The following PDZD2 variants were observed in gnomAD, a reference collection of about 807,000 sequenced individuals.
PDZD2 encodes the protein PDZ domain containing 2, also known as PDZ domain-containing protein 2.
Under a neutral mutation model 220.7 loss-of-function variants are expected in PDZD2, and 90 were observed. That is an observed-to-expected ratio of 0.41 (90% CI 0.34 to 0.49). The LOEUF is 0.49. PDZD2 is among the 20% of genes least tolerant of loss of function. The pLI, the probability that PDZD2 is intolerant of heterozygous loss-of-function variation, is 0.28. For synonymous variants in PDZD2, 1,375 were observed against 1,450.5 expected, an observed-to-expected ratio of 0.95 and a Z score of 1.18; for missense variants, 3,174 against 3,608.5, an observed-to-expected ratio of 0.88 and a Z score of 3.08.
intron 2 of PDZD2, among the ~76,000 whole-genome samples, chr5:31,802,384 G>A (rs1377296718): frequency 1.3e-5 from 2 of 152,132 alleles, no homozygotes; most frequent in Non-Finnish European, 2.9e-5. Context: ...CGAGGCTCAG[G>A]CTCCGTCTCT....
At chr5:31,690,300 C>A (rs1747065459) in intron 1 of PDZD2, among the ~76,000 whole-genome samples, 1 of 152,088 alleles carries the variant, frequency 6.6e-6, no homozygotes, top group Non-Finnish European at 1.5e-5. Context: ...AGTTGTTGGA[C>A]AGCCTTGCCA....
chr5:32,052,754 T>C (rs1738693576), intron 9 of PDZD2, 24 bp downstream of exon 9: 1 of 1,610,836 alleles, frequency 6.2e-7, no homozygotes, highest in Admixed American at 1.7e-5. Flanking sequence ...TGCAGACTGT[T>C]CTGCCTTCTG....
chr5:31,752,069 G>GTTTTTTTTTTTTTTTTTTTTTTTT (rs1491302993), intron 1 of PDZD2, among the ~76,000 whole-genome samples: 1 of 95,856 alleles, frequency 1.0e-5, no homozygotes, highest in Non-Finnish European at 1.9e-5. Flanking sequence ...ATTGTTTTGG[G>GTTTTTTTTTTTTTTTTTTTTTTTT]TTTGTTTTTT....
intron 6 of PDZD2, among the ~76,000 whole-genome samples, chr5:32,029,329 T>TTAA (rs745522981): frequency 2.7e-4 from 18 of 65,840 alleles, no homozygotes; most frequent in African/African-American, 1.1e-3. Flanking sequence ...TCAAGAACTG[T>TTAA]AAAAAAAAAA....
chr5:32,048,476 T>C, intron 7 of PDZD2, 63 bp from the exon 8 acceptor site: 1 of 1,415,412 alleles, frequency 7.1e-7, no homozygotes, highest in African/African-American at 1.4e-5. Flanking sequence ...TTTATGCCTC[T>C]GGATGTGCTT....
chr5:31,863,240 T>A (rs1265367898), intron 2 of PDZD2, among the ~76,000 whole-genome samples: 1 of 152,162 alleles, frequency 6.6e-6, no homozygotes, highest in Non-Finnish European at 1.5e-5. Flanking sequence ...ACCCCTAACC[T>A]TCTCAGAGGC....
intron 7 of PDZD2, 67 bp downstream of exon 7, chr5:32,037,409 G>A (rs987739897): frequency 4.5e-6 from 4 of 898,534 alleles, no homozygotes; most frequent in Admixed American, 2.0e-5. Context: ...GCAGGGAGAT[G>A]AAGCCATTGC....
At chr5:31,651,220 G>C (rs922603900) in intron 1 of PDZD2, among the ~76,000 whole-genome samples, 3 of 152,220 alleles carry the variant, frequency 2.0e-5, no homozygotes, top group African/African-American at 7.2e-5. Flanking sequence ...TTTATTCATA[G>C]AAAGGTCTAT....
chr5:31,911,935 C>T (rs1435825264), intron 2 of PDZD2, among the ~76,000 whole-genome samples: 7 of 152,172 alleles, frequency 4.6e-5, no homozygotes, highest in Middle Eastern at 3.2e-3. Context: ...TAAGCTCACA[C>T]GCCTGCAACT....
rs1317449509 is a variant in PDZD2, at chr5:31,677,444, G to A, written c.-361+38007G>A. Among the ~76,000 whole-genome samples the A allele has an allele frequency of 2.4e-4, 6 of 24,784 alleles. 3 individuals carry two copies. Among genetic ancestry groups the A allele is most frequent in the South Asian group, 4.3e-3 (2 of 470 alleles). The allele number at this position is 24,784 out of a possible 152,430, so 16.3% of individuals were successfully genotyped here. ...ATCCTGGCTAGCACGGTGAAACCCC[G>A]TCTCTACTAAAAATACAAAAAATTA... On this transcript the variant is annotated intron_variant, in intron 1 of 24. Coordinates refer to ENST00000438447, the MANE Select transcript of PDZD2 (RefSeq NM_178140.4).
At chr5:31,886,129 C>T (rs1306038397) in intron 2 of PDZD2, among the ~76,000 whole-genome samples, 2 of 152,108 alleles carry the variant, frequency 1.3e-5, no homozygotes, top group Non-Finnish European at 2.9e-5. Context: ...TAACTCCTGA[C>T]CTTAGTTGAT....
At chr5:31,949,140 C>T (rs1278021549) in intron 2 of PDZD2, among the ~76,000 whole-genome samples, 5 of 148,192 alleles carry the variant, frequency 3.4e-5, no homozygotes, top group Non-Finnish European at 5.9e-5. Flanking sequence ...TCCTGGCTGG[C>T]TTCTTCTCAC....
At chr5:32,013,852 G>A (rs1381389819) in intron 6 of PDZD2, among the ~76,000 whole-genome samples, 1 of 152,080 alleles carries the variant, frequency 6.6e-6, no homozygotes, top group Non-Finnish European at 1.5e-5. Flanking sequence ...TTCATGCCTG[G>A]CCATCACCAA....
At chr5:31,976,750 C>G (rs1442799174) in intron 2 of PDZD2, among the ~76,000 whole-genome samples, 6 of 131,948 alleles carry the variant, frequency 4.5e-5, no homozygotes, top group African/African-American at 1.7e-4. Flanking sequence ...CAGAGTCTCC[C>G]TCGGTTGCCC....
At chr5:31,678,837 C>T (rs1282926719) in intron 1 of PDZD2, among the ~76,000 whole-genome samples, 1 of 152,082 alleles carries the variant, frequency 6.6e-6, no homozygotes, top group Non-Finnish European at 1.5e-5. Context: ...GAACTCCTAG[C>T]CTCAAGCAAT....
chr5:31,920,223 A>G (rs1744088930), intron 2 of PDZD2, among the ~76,000 whole-genome samples: 1 of 152,062 alleles, frequency 6.6e-6, no homozygotes, highest in South Asian at 2.1e-4. Context: ...AGTTGAGGCT[A>G]TAGTGGGCTA....
At chr5:31,737,225 TG>T (rs1177215207) in intron 1 of PDZD2, among the ~76,000 whole-genome samples, 12 of 131,526 alleles carry the variant, frequency 9.1e-5, no homozygotes, top group African/African-American at 1.2e-4. Flanking sequence ...CAGGCTGGAG[TG>T]CAGTGGCGCC....
At position 32,090,693 on chromosome 5, in the gene PDZD2, C is replaced by T; in HGVS notation, c.7245C>T (p.Ala2415=). 6.2e-7 allele frequency: 1 copy of T among 1,614,162 alleles called. No homozygotes were observed. The stretch of plus-strand genomic sequence containing the variant: ...CCGGCACCCTCCTGCCCCAGATGGC[C>T]AAGTCTCCCTCAATCATGACACTGA... ...SEAGTLLPQM[A]KSPSIMTLTI... The change falls in exon 20 of 25, where the codon GCC becomes GCT. Residue 2415 remains alanine (A), a synonymous_variant. Coordinates refer to ENST00000438447, the MANE Select transcript of PDZD2 (RefSeq NM_178140.4). The surrounding 1 kb of genome is among the most constrained non-coding windows in gnomAD (Gnocchi z 4.3).
chr5:31,900,947 C>G (rs1438197817), intron 2 of PDZD2, among the ~76,000 whole-genome samples: 1 of 152,112 alleles, frequency 6.6e-6, no homozygotes. Context: ...TCTTCCCGGA[C>G]AAATACTTAC....
Sources: allele counts gnomAD v4.1 joint callset (sites outside exome capture counted in the v4.1 genomes callset), GRCh38; gene constraint gnomAD v4.1.1; non-coding constraint Gnocchi (gnomAD v3.1); transcripts MANE v1.5; gene names NCBI Gene and HGNC (gene_info 2026-07-23, HGNC 2026-07-21).